The following ZFP28 variants were observed in gnomAD, a reference collection of about 807,000 sequenced individuals.
The protein encoded by ZFP28 is ZFP28 zinc finger protein.
A neutral mutation model predicts 39.5 loss-of-function variants in ZFP28; 31 were observed. That is an observed-to-expected ratio of 0.79 (90% CI 0.59 to 1.06). ZFP28 has a LOEUF of 1.06. Among genes scored for constraint, ZFP28 ranks in the 50% least tolerant of loss-of-function variants. The pLI is 0.00. For synonymous variants in ZFP28, 400 were observed against 378.6 expected, an observed-to-expected ratio of 1.06 and a Z score of -0.66; for missense variants, 925 against 1,048.4, an observed-to-expected ratio of 0.88 and a Z score of 1.63.
At chr19:56,551,624 G>T (rs1299044980) in intron 7 of ZFP28, 1 of 985,104 alleles carries the variant, frequency 1.0e-6, no homozygotes, top group Non-Finnish European at 1.2e-6. Flanking sequence ...TTTGTTTTTG[G>T]TGACTAGCAA....
In ZFP28 at chr19:56,549,004, C is replaced by T; in HGVS notation, c.570C>T (p.Asp190=). Reference sequence around the variant, plus strand: ...TCAAGGAGTTACCTCTCAAGAAGGACTTCTGCGAAGGAAAGCTATCCCAGG... The same window carrying T: ...TCAAGGAGTTACCTCTCAAGAAGGATTTCTGCGAAGGAAAGCTATCCCAGG... ...WKIKELPLKK[D]FCEGKLSQAV... The change falls in exon 5 of 8, where the codon GAC becomes GAT. Residue 190 remains aspartate (D), a synonymous_variant. Coordinates refer to ENST00000301318, the MANE Select transcript of ZFP28 (RefSeq NM_020828.2). 1 of 1,614,068 alleles carries T rather than the reference C, an allele frequency of 6.2e-7. No homozygotes were observed. Among genetic ancestry groups the T allele is most frequent in the Non-Finnish European group, 8.5e-7 (1 of 1,180,002 alleles).
chr19:56,550,465 A>G (rs201863839), intron 6 of ZFP28, 45 bp from the exon 7 acceptor site: 1 of 1,530,386 alleles, frequency 6.5e-7, no homozygotes, highest in African/African-American at 1.4e-5. Flanking sequence ...CAATTTTAGG[A>G]TGCCAAGACT....
intron 7 of ZFP28, chr19:56,551,743 TG>T: frequency 1.0e-6 from 1 of 983,894 alleles, no homozygotes; most frequent in African/African-American, 1.7e-5. Context: ...TCTTTTTTTA[TG>T]AAAGAAGTTG....
rs1456341424 is a variant in ZFP28 at position 56,553,983 on chromosome 19, A to G, written c.1198A>G (p.Asn400Asp). Residue 400 changes from asparagine (N) to aspartate (D), a missense_variant, in exon 8 of 8, where the codon AAT becomes GAT. Coordinates refer to ENST00000301318, the MANE Select transcript of ZFP28 (RefSeq NM_020828.2). ...EKVHNRDSIK[N>D]FQKSSVVIKQ... is the part of the protein sequence containing the mutation. Reference sequence around the variant, plus strand: ...AGTTCATAATCGTGATTCAATTAAAAATTTTCAAAAAAGTTCAGTGGTAAT... The same window carrying G: ...AGTTCATAATCGTGATTCAATTAAAGATTTTCAAAAAAGTTCAGTGGTAAT... 6.2e-7 allele frequency: 1 copy of G among 1,611,278 alleles called. No individual in the cohort carries two copies. The highest frequency in any genetic ancestry group is 1.7e-5 in the Admixed American group (1 of 59,286).
At chr19:56,550,675 C>T in intron 7 of ZFP28, 70 bp downstream of exon 7, 1 of 1,605,816 alleles carries the variant, frequency 6.2e-7, no homozygotes. Context: ...AAAAAGGCTG[C>T]ATCCTCACTA....
intron 2 of ZFP28, among the ~76,000 whole-genome samples, chr19:56,540,924 G>T (rs984361660): frequency 1.4e-5 from 2 of 139,950 alleles, no homozygotes; most frequent in Non-Finnish European, 3.1e-5. Flanking sequence ...TCTTACCTCC[G>T]TGACTTGAAC....
At chr19:56,546,690 T>G (rs1383397258) in intron 2 of ZFP28, 1 of 152,210 alleles carries the variant, frequency 6.6e-6, no homozygotes, top group Non-Finnish European at 1.5e-5. Flanking sequence ...GAACCCAGTT[T>G]AGTCATGAAT....
chr19:56,550,377 G>A, intron 6 of ZFP28, 133 bp from the exon 7 acceptor site: 3 of 891,728 alleles, frequency 3.4e-6, no homozygotes, highest in East Asian at 2.5e-5. Flanking sequence ...TTATCTTCTT[G>A]TGTCTTTCAG....
chr19:56,548,208 T>C (rs781690149), intron 4 of ZFP28, among the ~76,000 whole-genome samples: 6 of 152,222 alleles, frequency 3.9e-5, no homozygotes, highest in African/African-American at 7.2e-5. Flanking sequence ...AAGGAAACGC[T>C]TGCATTGACA....
Position 56,539,114 on chromosome 19 carries a change from T to C in ZFP28, c.96T>C (p.Thr32=), listed in dbSNP as rs1258067976. 1 of 1,571,728 alleles carries C rather than the reference T, an allele frequency of 6.4e-7. No homozygotes were observed. Among genetic ancestry groups the C allele is most frequent in the Admixed American group, 1.8e-5 (1 of 55,972 alleles). The change falls in exon 1 of 8, where the codon ACT becomes ACC. Residue 32 remains threonine, a synonymous_variant. Coordinates refer to ENST00000301318, the MANE Select transcript of ZFP28 (RefSeq NM_020828.2). ...AGCCCCGGGCGGGCCGAGGCCCGACTGTAGGGACTCCAGCCACCTTGGCCC... is the reference window on the plus strand; with the variant it reads ...AGCCCCGGGCGGGCCGAGGCCCGACCGTAGGGACTCCAGCCACCTTGGCCC... The part of the protein sequence containing the change: ...RTKPRAGRGP[T]VGTPATLALP...
intron 2 of ZFP28, chr19:56,546,826 G>A (rs1268768713): frequency 6.6e-6 from 1 of 152,488 alleles, no homozygotes; most frequent in East Asian, 1.9e-4. Context: ...GTTAGTCTTT[G>A]TTATTTATAG....
intron 7 of ZFP28, chr19:56,551,323 C>T: frequency 2.0e-6 from 2 of 986,704 alleles, no homozygotes; most frequent in Non-Finnish European, 2.4e-6. Flanking sequence ...TACTGTTTGG[C>T]AAAAGAATAT....
chr19:56,555,027 C>G lies in ZFP28; in HGVS notation c.2242C>G (p.Arg748Gly). ...FKTKSSLICH[R>G]RSHTGEKPYE... ...GACAAAATCCTCCCTTATTTGTCAT[C>G]GCAGAAGTCATACTGGAGAAAAACC... is the stretch of plus-strand genomic sequence containing the variant. The change falls in exon 8 of 8, where the codon CGC becomes GGC. Residue 748 changes from arginine (R) to glycine (G), a missense_variant. Coordinates refer to ENST00000301318, the MANE Select transcript of ZFP28 (RefSeq NM_020828.2). 1 of 1,614,066 alleles carries G rather than the reference C, an allele frequency of 6.2e-7. No homozygotes were observed. The highest frequency in any genetic ancestry group is 8.5e-7 in the Non-Finnish European group (1 of 1,180,006).
Position 56,549,109 on chromosome 19 carries a change from T to TAAA in ZFP28, c.675_676insAAA (p.Phe225_Glu226insLys). The stretch of plus-strand genomic sequence containing the variant: ...AACACTGGGATTATGATGCTCTGTT[T>TAAA]GAGACACAGCCGGTAAGTCACAAGA... On this transcript the variant is annotated inframe_insertion, in exon 5 of 8. Transcript: ENST00000301318. 1 of 1,607,840 alleles carries TAAA rather than the reference T, an allele frequency of 6.2e-7. No individual in the cohort carries two copies.
chr19:56,550,908 G>C, intron 7 of ZFP28: 1 of 1,428,242 alleles, frequency 7.0e-7, no homozygotes, highest in Non-Finnish European at 9.1e-7. Flanking sequence ...ACTTCCAAAG[G>C]TTTTCTCTTC....
intron 2 of ZFP28, among the ~76,000 whole-genome samples, chr19:56,542,205 T>A (rs1231438272): frequency 1.3e-5 from 2 of 152,076 alleles, no homozygotes; most frequent in African/African-American, 4.8e-5. Flanking sequence ...CAGGCTGGAG[T>A]GCAGTGGTGC....
At position 56,538,964 on chromosome 19, in the gene ZFP28, G is replaced by C; in HGVS notation, c.-55G>C. 3 of 1,284,316 alleles carry C rather than the reference G, an allele frequency of 2.3e-6. No individual in the cohort carries two copies. The highest frequency in any genetic ancestry group is 3.0e-6 in the Non-Finnish European group (3 of 1,012,164). The allele number at this position is 1,284,316 out of a possible 1,614,324, so 79.6% of individuals were successfully genotyped here. ...TGGGCGTGGCGGGCGGGTGTGGCCA[G>C]GGGTGTGGGTCTGTGAGGGACCGGT... On this transcript the variant is annotated 5_prime_UTR_variant, in exon 1 of 8. Coordinates refer to ENST00000301318, the MANE Select transcript of ZFP28 (RefSeq NM_020828.2).
intron 5 of ZFP28, among the ~76,000 whole-genome samples, chr19:56,549,787 C>A (rs2044279005): frequency 6.6e-6 from 1 of 152,144 alleles, no homozygotes. Flanking sequence ...ATGGGAAAGC[C>A]TTCCGTCTGT....
upstream of ZFP28, chr19:56,538,610 G>C (rs890318639): frequency 5.9e-5 from 9 of 152,100 alleles, no homozygotes; most frequent in African/African-American, 2.2e-4. Context: ...CATAGGCCCG[G>C]GGCCAAACCG....
Sources: gnomAD v4.1 joint callset for allele counts (sites outside exome capture counted in the v4.1 genomes callset) on GRCh38, gnomAD v4.1.1 for gene constraint, MANE v1.5 for transcripts, NCBI Gene and HGNC (gene_info 2026-07-23, HGNC 2026-07-21) for gene names.